The following DENND5B variants were observed in gnomAD, a reference collection of about 807,000 sequenced individuals.
DENND5B encodes DENN domain containing 5B, also known as DENN domain-containing protein 5B.
DENND5B carries 34 observed loss-of-function variants against 140.6 expected under a neutral mutation model. The ratio of observed to expected loss-of-function variants is 0.24; its 90% confidence interval spans 0.18 to 0.32. The LOEUF is 0.32. Among genes scored for constraint, DENND5B ranks in the 10% least tolerant of loss-of-function variants. The pLI is 1.00. For missense variants in DENND5B, 1,142 were observed against 1,560.2 expected (o/e 0.73, Z 4.52); for synonymous variants, 551 against 562.1 (o/e 0.98, Z 0.28).
chr12:31,523,730 T>C (rs1947987665), intron 1 of DENND5B, among the ~76,000 whole-genome samples: 1 of 152,128 alleles, frequency 6.6e-6, no homozygotes, highest in African/African-American at 2.4e-5. Flanking sequence ...AAAAAGAGTA[T>C]ATGACAAGAA....
At chr12:31,531,714 T>C (rs756474979) in intron 1 of DENND5B, among the ~76,000 whole-genome samples, 54 of 152,192 alleles carry the variant, frequency 3.5e-4, no homozygotes, top group African/African-American at 1.1e-3. Context: ...CCAGAATGAA[T>C]TGAAGAATCT....
At chr12:31,460,097 A>G (rs570164330) in intron 4 of DENND5B, 97 bp downstream of exon 4, 2 of 1,198,548 alleles carry the variant, frequency 1.7e-6, no homozygotes, top group Admixed American at 5.0e-5. Context: ...AGTCAAAGAG[A>G]CAGATAAAAT....
At chr12:31,589,251 A>T (rs986773342) in intron 1 of DENND5B, among the ~76,000 whole-genome samples, 4 of 152,216 alleles carry the variant, frequency 2.6e-5, no homozygotes, top group African/African-American at 9.6e-5. Context: ...AATCTCTCCA[A>T]ATCTCTCTGC....
At chr12:31,542,497 A>T (rs189585536) in intron 1 of DENND5B, among the ~76,000 whole-genome samples, 1 of 152,254 alleles carries the variant, frequency 6.6e-6, no homozygotes. Flanking sequence ...ATTTTAAAAT[A>T]ATTAAGAGTA....
At chr12:31,558,494 A>G (rs962489058) in intron 1 of DENND5B, among the ~76,000 whole-genome samples, 2 of 152,256 alleles carry the variant, frequency 1.3e-5, no homozygotes, top group East Asian at 3.8e-4. Flanking sequence ...AACTTTAGGC[A>G]TAAGACCCAA....
intron 7 of DENND5B, among the ~76,000 whole-genome samples, chr12:31,435,011 A>G (rs533636338): frequency 6.6e-6 from 1 of 152,252 alleles, no homozygotes; most frequent in Non-Finnish European, 1.5e-5. Context: ...ATGAACATAA[A>G]TTCTGCGGAA....
intron 14 of DENND5B, 78 bp downstream of exon 14, chr12:31,409,185 T>C: frequency 7.1e-7 from 1 of 1,415,978 alleles, no homozygotes; most frequent in Non-Finnish European, 9.4e-7. Context: ...CTATGGCATA[T>C]CTTGCTTTAA....
At chr12:31,510,301 A>T (rs1947362127) in intron 1 of DENND5B, among the ~76,000 whole-genome samples, 1 of 152,166 alleles carries the variant, frequency 6.6e-6, no homozygotes, top group African/African-American at 2.4e-5. Flanking sequence ...GGAGGCTCTG[A>T]AGAAGAATCC....
intron 1 of DENND5B, among the ~76,000 whole-genome samples, chr12:31,538,960 T>G (rs927641807): frequency 1.7e-4 from 21 of 125,368 alleles, no homozygotes; most frequent in South Asian, 4.6e-4. Flanking sequence ...AACAAAAGGT[T>G]TTTTTTTTTT....
chr12:31,502,172 G>A (rs1032406814), intron 1 of DENND5B, among the ~76,000 whole-genome samples: 12 of 151,436 alleles, frequency 7.9e-5, no homozygotes, highest in African/African-American at 1.7e-4. Flanking sequence ...AAAATTAGCC[G>A]GGTGTGGTGG....
intron 3 of DENND5B, among the ~76,000 whole-genome samples, chr12:31,478,222 T>C (rs1462970020): frequency 6.6e-6 from 1 of 152,178 alleles, no homozygotes; most frequent in African/African-American, 2.4e-5. Flanking sequence ...TACAACCTTG[T>C]GAACGGCTGT....
chr12:31,541,164 T>A (rs960099984), intron 1 of DENND5B: 10 of 277,178 alleles, frequency 3.6e-5, no homozygotes, highest in Non-Finnish European at 5.9e-5. Flanking sequence ...ATTTCTTGAG[T>A]AATACCCCAC....
At chr12:31,575,088 T>G (rs2139426439) in intron 1 of DENND5B, among the ~76,000 whole-genome samples, 1 of 152,368 alleles carries the variant, frequency 6.6e-6, no homozygotes, top group East Asian at 1.9e-4. Context: ...GACAAAAGTT[T>G]ATTTATTAAG....
chr12:31,386,681 G>A lies in DENND5B; in HGVS notation c.*922C>T, dbSNP rs1486775883. 2 of 152,218 alleles carry A rather than the reference G, an allele frequency of 1.3e-5. No individual in the cohort carries two copies. Among genetic ancestry groups the A allele is most frequent in the Non-Finnish European group, 2.9e-5 (2 of 68,048 alleles). 9.4% of individuals were successfully genotyped at this position (152,218 alleles called of 1,614,324 possible). The stretch of plus-strand genomic sequence containing the variant: ...AGGTGGGTGATTAGACCCTAACAAA[G>A]ACAGGGCTCATGGTTATCCTTAAGA... On this transcript the variant is annotated 3_prime_UTR_variant, in exon 21 of 21. Coordinates refer to ENST00000389082, the MANE Select transcript of DENND5B (RefSeq NM_144973.4).
At chr12:31,451,851 T>C (rs755177387) in intron 5 of DENND5B, 89 bp downstream of exon 5, 24 of 1,444,028 alleles carry the variant, frequency 1.7e-5, no homozygotes, top group East Asian at 4.9e-5. Flanking sequence ...TGGGTAAGCA[T>C]AGGCACAGAA....
At chr12:31,392,240 A>AATGTAAT in intron 19 of DENND5B, 27 bp downstream of exon 19, 1 of 1,612,798 alleles carries the variant, frequency 6.2e-7, no homozygotes, top group Non-Finnish European at 8.5e-7. Flanking sequence ...CAGTGACCTT[A>AATGTAAT]ATGTAATACA....
chr12:31,407,001 T>C (rs1021739358), intron 14 of DENND5B, among the ~76,000 whole-genome samples: 1 of 152,118 alleles, frequency 6.6e-6, no homozygotes, highest in Non-Finnish European at 1.5e-5. Flanking sequence ...GGTTTCACCA[T>C]GTTGGCCACG....
At chr12:31,436,640 T>C (rs1943769049) in intron 7 of DENND5B, among the ~76,000 whole-genome samples, 1 of 152,016 alleles carries the variant, frequency 6.6e-6, no homozygotes, top group East Asian at 1.9e-4. Flanking sequence ...GTTCAAGCAA[T>C]TCTCCTGCCT....
chr12:31,496,206 T>A (rs55701666), intron 1 of DENND5B, among the ~76,000 whole-genome samples: 22,649 of 152,168 alleles, frequency 0.15, 1,888 homozygotes, highest in East Asian at 0.25. Context: ...ATGGTCCACA[T>A]TTCAGTGTGT....
Sources: allele counts gnomAD v4.1 joint callset (sites outside exome capture counted in the v4.1 genomes callset), GRCh38; gene constraint gnomAD v4.1.1; transcripts MANE v1.5; gene names NCBI Gene and HGNC (gene_info 2026-07-23, HGNC 2026-07-21).